The following MTUS2 variants were observed in gnomAD, a reference collection of about 807,000 sequenced individuals.
MTUS2 encodes the protein microtubule-associated tumor suppressor candidate 2.
A neutral mutation model predicts 114.1 loss-of-function variants in MTUS2; 40 were observed. The ratio of observed to expected loss-of-function variants is 0.35; its 90% confidence interval spans 0.27 to 0.46. The LOEUF (loss-of-function observed/expected upper bound fraction) is 0.46, where lower values mean the gene tolerates loss of function less well. Ranked by LOEUF, MTUS2 falls within the 20% of genes least tolerant of loss-of-function variation. The pLI is 1.00. For missense variants in MTUS2, 1,679 were observed against 1,705.4 expected, an observed-to-expected ratio of 0.98 and a Z score of 0.27; for synonymous variants, 688 against 672.0, an observed-to-expected ratio of 1.02 and a Z score of -0.37.
At chr13:29,469,123 G>A (rs1233114877) in intron 9 of MTUS2, among the ~76,000 whole-genome samples, 1 of 152,196 alleles carries the variant, frequency 6.6e-6, no homozygotes, top group East Asian at 1.9e-4. Context: ...GCCCCTGAGA[G>A]GCCTGTGCCT....
intron 5 of MTUS2, among the ~76,000 whole-genome samples, chr13:29,215,474 G>GTTT (rs71090232): frequency 6.9e-5 from 9 of 130,090 alleles, no homozygotes; most frequent in Middle Eastern, 4.0e-3. Flanking sequence ...TTTTTTTGCT[G>GTTT]TTTTTTTTTT....
At chr13:28,844,914 G>A (rs1014577689) in intron 2 of MTUS2, among the ~76,000 whole-genome samples, 1 of 152,050 alleles carries the variant, frequency 6.6e-6, no homozygotes, top group African/African-American at 2.4e-5. Context: ...ACCATGCCTG[G>A]CCAGCATTTT....
intron 8 of MTUS2, among the ~76,000 whole-genome samples, chr13:29,432,487 A>G (rs750889401): frequency 1.4e-4 from 21 of 152,250 alleles, no homozygotes; most frequent in Non-Finnish European, 2.8e-4. Context: ...GCAAACAATA[A>G]CAAGCCTGAT....
intron 2 of MTUS2, among the ~76,000 whole-genome samples, chr13:28,920,432 T>C (rs973549896): frequency 5.3e-5 from 8 of 152,134 alleles, no homozygotes; most frequent in Non-Finnish European, 1.2e-4. Flanking sequence ...CTGTGATGAG[T>C]CACCTGGAAC....
intron 5 of MTUS2, among the ~76,000 whole-genome samples, chr13:29,184,652 T>C (rs1055257757): frequency 6.6e-6 from 1 of 152,152 alleles, no homozygotes; most frequent in African/African-American, 2.4e-5. Flanking sequence ...GTCCAATCAT[T>C]AGCTGTCCTG....
chr13:29,050,790 G>A (rs1487430036), intron 4 of MTUS2, among the ~76,000 whole-genome samples: 1 of 152,190 alleles, frequency 6.6e-6, no homozygotes, highest in African/African-American at 2.4e-5. Context: ...CATAGTACGA[G>A]GTCTTCCTGT....
chr13:29,422,468 T>A (rs1035460613), intron 8 of MTUS2, among the ~76,000 whole-genome samples: 4 of 152,270 alleles, frequency 2.6e-5, no homozygotes, highest in South Asian at 4.1e-4. Flanking sequence ...CAAAACACAG[T>A]GTTCATAAAG....
At chr13:29,068,998 C>CA (rs2066694123) in intron 4 of MTUS2, among the ~76,000 whole-genome samples, 1 of 152,018 alleles carries the variant, frequency 6.6e-6, no homozygotes, top group African/African-American at 2.4e-5. Flanking sequence ...AAGGATTGGA[C>CA]ATAAAGAGAC....
intron 5 of MTUS2, among the ~76,000 whole-genome samples, chr13:29,211,329 C>G (rs1357029916): frequency 6.6e-6 from 1 of 152,290 alleles, no homozygotes; most frequent in Non-Finnish European, 1.5e-5. Context: ...CATGTCCCCC[C>G]AACAGCACGA....
intron 11 of MTUS2, among the ~76,000 whole-genome samples, chr13:29,489,254 G>A (rs576497088): frequency 1.3e-5 from 2 of 152,014 alleles, no homozygotes; most frequent in African/African-American, 4.8e-5. Context: ...CAACAAGAGC[G>A]AAACTCCGCC....
intron 5 of MTUS2, among the ~76,000 whole-genome samples, chr13:29,227,868 G>A (rs542054155): frequency 6.6e-6 from 1 of 152,270 alleles, no homozygotes; most frequent in African/African-American, 2.4e-5. Flanking sequence ...ATGGCTGAAA[G>A]TCCCATGTTT....
chr13:29,021,342 C>G (rs1430314680), intron 2 of MTUS2, among the ~76,000 whole-genome samples: 1 of 152,236 alleles, frequency 6.6e-6, no homozygotes, highest in Non-Finnish European at 1.5e-5. Context: ...TTTCTGTCCC[C>G]TTACCAGTGA....
At chr13:29,463,268 C>A (rs1879641165) in intron 9 of MTUS2, among the ~76,000 whole-genome samples, 1 of 152,100 alleles carries the variant, frequency 6.6e-6, no homozygotes, top group Non-Finnish European at 1.5e-5. Context: ...CCTAGTGAGA[C>A]CAGTTCAGGC....
In MTUS2 at chr13:28,876,390, G is replaced by A. The variant is rs115554432; in HGVS notation, c.-243+36540G>A. Among the ~76,000 whole-genome samples, 620 of 152,294 alleles carry A rather than the reference G, an allele frequency of 4.1e-3. 5 individuals are homozygous for A. The highest frequency in any genetic ancestry group is 0.014 in the African/African-American group (581 of 41,562). ...TGGCACACATAAATATGGACACTGA[G>A]CAGTACGGCAGGGTTCCCGCATGAC... is the stretch of plus-strand genomic sequence containing the variant. On this transcript the variant is annotated intron_variant, in intron 2 of 15. Coordinates refer to ENST00000612955, the MANE Select transcript of MTUS2 (RefSeq NM_001033602.4).
intron 5 of MTUS2, among the ~76,000 whole-genome samples, chr13:29,159,413 TAGG>T (rs1593540391): frequency 1.3e-5 from 2 of 152,116 alleles, no homozygotes; most frequent in African/African-American, 2.4e-5. Context: ...GGAAAAAGAA[TAGG>T]AGGAAAATCT....
chr13:28,975,443 C>T (rs908753197), intron 2 of MTUS2, among the ~76,000 whole-genome samples: 5 of 152,036 alleles, frequency 3.3e-5, no homozygotes, highest in Non-Finnish European at 2.9e-5. Flanking sequence ...GCAGTTTACT[C>T]ACTGGGCGTT....
chr13:29,028,121 G>A (rs1038170684), intron 3 of MTUS2, among the ~76,000 whole-genome samples: 23 of 143,756 alleles, frequency 1.6e-4, no homozygotes, highest in African/African-American at 6.5e-4. Context: ...GGGAAGCCGA[G>A]ATGGGCAGAT....
intron 5 of MTUS2, among the ~76,000 whole-genome samples, chr13:29,123,492 G>A (rs546229547): frequency 1.5e-4 from 23 of 152,134 alleles, no homozygotes; most frequent in African/African-American, 5.1e-4. Flanking sequence ...CGAGAATAGC[G>A]GACCACTTGA....
chr13:29,059,443 A>C (rs995674617), intron 4 of MTUS2, among the ~76,000 whole-genome samples: 1 of 152,118 alleles, frequency 6.6e-6, no homozygotes, highest in African/African-American at 2.4e-5. Flanking sequence ...ATCCTTACCA[A>C]ATCAGCCCTA....
Sources: gnomAD v4.1 joint callset for allele counts (sites outside exome capture counted in the v4.1 genomes callset) on GRCh38, gnomAD v4.1.1 for gene constraint, MANE v1.5 for transcripts, NCBI Gene and HGNC (gene_info 2026-07-23, HGNC 2026-07-21) for gene names.